Variants in SNX7 observed in about 807,000 individuals in gnomAD.
The protein encoded by SNX7 is sorting nexin 7.
SNX7 carries 35 observed loss-of-function variants against 48.4 expected under a neutral mutation model. The observed-to-expected ratio is 0.72, with a 90% confidence interval of 0.55 to 0.96. SNX7 has a LOEUF of 0.96. Ranked by LOEUF, SNX7 falls within the 40% of genes least tolerant of loss-of-function variation. SNX7 has a pLI of 0.00. For missense variants in SNX7, 553 were observed against 548.9 expected (o/e 1.01, Z -0.07); for synonymous variants, 190 against 190.2 (o/e 1.00, Z 0.01).
chr1:98,706,241 T>C (rs1651999588), intron 7 of SNX7, among the ~76,000 whole-genome samples: 1 of 151,960 alleles, frequency 6.6e-6, no homozygotes, highest in South Asian at 2.1e-4. Context: ...GTGATAAGCG[T>C]GGAGGAGACA....
intron 7 of SNX7, among the ~76,000 whole-genome samples, chr1:98,735,624 A>G (rs1447773661): frequency 1.3e-5 from 2 of 152,080 alleles, no homozygotes; most frequent in East Asian, 1.9e-4. Flanking sequence ...ATTTTCACCA[A>G]CTGATGATGA....
chr1:98,674,862 A>G (rs926079842), intron 1 of SNX7, among the ~76,000 whole-genome samples: 3 of 151,938 alleles, frequency 2.0e-5, no homozygotes, highest in African/African-American at 7.3e-5. Context: ...TCTCTATGAA[A>G]CTCACTCAAA....
At chr1:98,709,649 G>A (rs1426061541) in intron 7 of SNX7, among the ~76,000 whole-genome samples, 2 of 152,066 alleles carry the variant, frequency 1.3e-5, no homozygotes, top group African/African-American at 4.8e-5. Context: ...CAGCAATATG[G>A]TTTCATTTCT....
chr1:98,679,858 G>A (rs763092490), intron 1 of SNX7, among the ~76,000 whole-genome samples: 6 of 152,176 alleles, frequency 3.9e-5, no homozygotes, highest in Non-Finnish European at 5.9e-5. Flanking sequence ...CTGGCATTGC[G>A]TGTCTGTCTG....
chr1:98,693,603 G>A (rs2100959317), intron 4 of SNX7, among the ~76,000 whole-genome samples: 1 of 152,264 alleles, frequency 6.6e-6, no homozygotes, highest in African/African-American at 2.4e-5. Context: ...CTCTGATAAT[G>A]TTTACTCTAT....
At chr1:98,676,444 A>G (rs955053444) in intron 1 of SNX7, among the ~76,000 whole-genome samples, 5 of 152,208 alleles carry the variant, frequency 3.3e-5, no homozygotes, top group Non-Finnish European at 7.4e-5. Context: ...AATGATCACA[A>G]ATCTTTTTGT....
At chr1:98,705,600 C>G (rs1306013550) in intron 7 of SNX7, among the ~76,000 whole-genome samples, 1 of 152,006 alleles carries the variant, frequency 6.6e-6, no homozygotes, top group Non-Finnish European at 1.5e-5. Flanking sequence ...TTATTCATTG[C>G]AAAGCACAAG....
chr1:98,706,565 T>G (rs1652018195), intron 7 of SNX7, among the ~76,000 whole-genome samples: 1 of 152,118 alleles, frequency 6.6e-6, no homozygotes, highest in African/African-American at 2.4e-5. Flanking sequence ...TAATCATATT[T>G]AAGTTACAAG....
intron 7 of SNX7, among the ~76,000 whole-genome samples, chr1:98,709,007 G>T (rs1652161978): frequency 1.3e-5 from 2 of 152,136 alleles, no homozygotes; most frequent in South Asian, 4.1e-4. Context: ...TTGCAGAGTT[G>T]TGTGTAATTT....
At chr1:98,667,051 A>G (rs998448560) in intron 1 of SNX7, among the ~76,000 whole-genome samples, 6 of 152,168 alleles carry the variant, frequency 3.9e-5, no homozygotes, top group African/African-American at 1.4e-4. Context: ...CTCATGTATA[A>G]TGGAGGAGAG....
At chr1:98,719,227 C>T (rs886731504) in intron 7 of SNX7, among the ~76,000 whole-genome samples, 1 of 152,060 alleles carries the variant, frequency 6.6e-6, no homozygotes, top group African/African-American at 2.4e-5. Flanking sequence ...TAGAATATTG[C>T]CTGGCCCATA....
At chr1:98,689,185 G>A (rs887830174) in intron 2 of SNX7, among the ~76,000 whole-genome samples, 1 of 152,190 alleles carries the variant, frequency 6.6e-6, no homozygotes, top group Non-Finnish European at 1.5e-5. Context: ...TTACAGGCGT[G>A]AGCCACTGCG....
intron 1 of SNX7, among the ~76,000 whole-genome samples, chr1:98,679,300 G>T (rs1377541487): frequency 6.6e-6 from 1 of 152,134 alleles, no homozygotes; most frequent in Non-Finnish European, 1.5e-5. Context: ...CTGCCTCTAT[G>T]ATTCAATTAC....
intron 2 of SNX7, among the ~76,000 whole-genome samples, chr1:98,688,505 C>G (rs1265099172): frequency 6.6e-6 from 1 of 152,172 alleles, no homozygotes; most frequent in Non-Finnish European, 1.5e-5. Flanking sequence ...AAATGCCTGT[C>G]ATTGTATAGT....
intron 7 of SNX7, among the ~76,000 whole-genome samples, 171 bp downstream of exon 7, chr1:98,702,074 C>G (rs932727326): frequency 6.6e-6 from 1 of 151,928 alleles, no homozygotes; most frequent in African/African-American, 2.4e-5. Flanking sequence ...CATTGGATAC[C>G]ATGTGAGTCT....
chr1:98,738,390 G>T lies in SNX7; in HGVS notation c.1278+1G>T. 1 of 1,611,806 alleles carries T rather than the reference G, an allele frequency of 6.2e-7. No homozygotes were observed. Among genetic ancestry groups the T allele is most frequent in the Non-Finnish European group, 8.5e-7 (1 of 1,178,756 alleles). ...GGAGAATATCCATTATTATGAACAG[G>T]TAATTAGTGTTGTTTGATATTGCTT... On this transcript the variant is annotated splice_donor_variant, in intron 8 of 8. Coordinates refer to ENST00000306121, the MANE Select transcript of SNX7 (RefSeq NM_015976.5). LOFTEE classifies it high-confidence loss of function.
chr1:98,733,537 A>G (rs1161370462), intron 7 of SNX7, among the ~76,000 whole-genome samples: 2 of 152,142 alleles, frequency 1.3e-5, no homozygotes, highest in Non-Finnish European at 2.9e-5. Flanking sequence ...TACTCTAGGT[A>G]TCAACCTTAA....
intron 4 of SNX7, among the ~76,000 whole-genome samples, chr1:98,693,687 A>C (rs1651271053): frequency 6.6e-6 from 1 of 152,248 alleles, no homozygotes; most frequent in Admixed American, 6.5e-5. Context: ...TTGGCACAAA[A>C]GAAATCACAC....
intron 7 of SNX7, among the ~76,000 whole-genome samples, chr1:98,705,054 A>G (rs991289776): frequency 2.0e-5 from 3 of 152,158 alleles, no homozygotes; most frequent in African/African-American, 7.2e-5. Context: ...TAATGGCATT[A>G]CAGTTACTTT....
Sources: gnomAD v4.1 joint callset for allele counts (sites outside exome capture counted in the v4.1 genomes callset) on GRCh38, gnomAD v4.1.1 for gene constraint, MANE v1.5 for transcripts, NCBI Gene and HGNC (gene_info 2026-07-23, HGNC 2026-07-21) for gene names.